Variants in HTR2C observed in about 807,000 individuals in gnomAD.
HTR2C encodes 5-hydroxytryptamine receptor 2C, also known as 5-hydroxytryptamine (serotonin) receptor 2C, G protein-coupled.
A neutral mutation model predicts 21.0 loss-of-function variants in HTR2C; 5 were observed. The ratio of observed to expected loss-of-function variants is 0.24; its 90% CI spans 0.12 to 0.50. The LOEUF is 0.50. Among genes scored for constraint, HTR2C ranks in the 20% least tolerant of loss-of-function variants. HTR2C has a pLI of 0.98. For synonymous variants in HTR2C, 150 were observed against 145.3 expected, an observed-to-expected ratio of 1.03 and a Z score of -0.23; for missense variants, 271 against 371.2, an observed-to-expected ratio of 0.73 and a Z score of 2.22.
At chrX:114,706,508 T>G (rs1932771698) in intron 2 of HTR2C, among the ~76,000 whole-genome samples, 1 of 90,104 alleles carries the variant, frequency 1.1e-5, no homozygotes, top group Non-Finnish European at 2.1e-5. Flanking sequence ...AATTGAACAA[T>G]GAGAACACAC....
rs781985681 is a variant in HTR2C, at chrX:114,828,375, T to G, written c.350-19628T>G. On this transcript the variant is annotated intron_variant, in intron 4 of 5. Coordinates refer to ENST00000276198, the MANE Select transcript of HTR2C (RefSeq NM_000868.4). The stretch of plus-strand genomic sequence containing the variant: ...GGCCGCCTTCCTTCACTGAGCATGA[T>G]TAGGGTAGCTGCCTTGAAGTCTTTG... Among the ~76,000 whole-genome samples, 5 of 111,438 alleles carry G rather than the reference T, an allele frequency of 4.5e-5. No individual in the cohort carries two copies. In the East Asian group the frequency reaches 1.4e-3, roughly 31 times the overall value.
chrX:114,777,631 C>T (rs2070071678), intron 4 of HTR2C, among the ~76,000 whole-genome samples: 1 of 111,228 alleles, frequency 9.0e-6, no homozygotes, highest in African/African-American at 3.3e-5. Context: ...AATCTTGGCT[C>T]ACTGCAAACT....
At chrX:114,885,408 A>G (rs1284628270) in intron 5 of HTR2C, among the ~76,000 whole-genome samples, 1 of 110,950 alleles carries the variant, frequency 9.0e-6, no homozygotes, top group Non-Finnish European at 1.9e-5. Flanking sequence ...TCACACAGTA[A>G]CAAAATCACC....
chrX:114,702,493 T>G (rs1932566071), intron 2 of HTR2C, among the ~76,000 whole-genome samples: 2 of 110,366 alleles, frequency 1.8e-5, no homozygotes, highest in Non-Finnish European at 3.8e-5. Flanking sequence ...TAAAATCTTT[T>G]ACAGACAAGC....
chrX:114,633,773 C>CTA lies in HTR2C; in HGVS notation c.-80+19893_-80+19894insAT, dbSNP rs1375122003. On this transcript the variant is annotated intron_variant, in intron 2 of 5. Coordinates refer to ENST00000276198, the MANE Select transcript of HTR2C (RefSeq NM_000868.4). The stretch of plus-strand genomic sequence containing the variant: ...TATGTTCAAAGGCATCATTCTCTCT[C>CTA]TCTATATATATATACACATATATGT... 1.1e-4 allele frequency among the ~76,000 whole-genome samples: 12 copies of CTA among 109,567 alleles called. No individual in the cohort carries two copies. The South Asian group carries it at 1.2e-3, about 11-fold the overall frequency.
intron 4 of HTR2C, among the ~76,000 whole-genome samples, chrX:114,764,921 TTCTTTTCCTTCCTTCC>T (rs1260215503): frequency 0.18 from 8,069 of 45,575 alleles, 489 homozygotes; most frequent in Admixed American, 0.22. Context: ...CTTTCTTTCT[TTCTTTTCCTTCCTTCC>T]TTCCTTCCTT....
At chrX:114,800,916 C>T (rs1366792863) in intron 4 of HTR2C, among the ~76,000 whole-genome samples, 3 of 111,073 alleles carry the variant, frequency 2.7e-5, no homozygotes, top group African/African-American at 6.5e-5. Flanking sequence ...AGTCTCTCTG[C>T]GCATGCGTGT....
intron 5 of HTR2C, among the ~76,000 whole-genome samples, chrX:114,903,266 G>T (rs1556485723): frequency 9.0e-6 from 1 of 111,653 alleles, no homozygotes; most frequent in Non-Finnish European, 1.9e-5. Flanking sequence ...TTGTTTTGTT[G>T]ATTGCATTCA....
At chrX:114,839,876 G>A (rs1285839383) in intron 4 of HTR2C, among the ~76,000 whole-genome samples, 5 of 110,515 alleles carry the variant, frequency 4.5e-5, no homozygotes, top group East Asian at 2.8e-4. Flanking sequence ...CATTTAAACC[G>A]TGCTTGCCTG....
chrX:114,690,177 A>G (rs1341833025), intron 2 of HTR2C, among the ~76,000 whole-genome samples: 2 of 111,426 alleles, frequency 1.8e-5, no homozygotes, highest in Non-Finnish European at 3.8e-5. Context: ...CCTCAGAGCA[A>G]TAACGATGAT....
intron 2 of HTR2C, among the ~76,000 whole-genome samples, chrX:114,686,903 T>A (rs2147857903): frequency 9.0e-6 from 1 of 111,400 alleles, no homozygotes; most frequent in East Asian, 2.8e-4. Flanking sequence ...TTTGTTTCTA[T>A]TTTGAAAGAA....
At chrX:114,770,956 G>A (rs782279555) in intron 4 of HTR2C, among the ~76,000 whole-genome samples, 4 of 108,959 alleles carry the variant, frequency 3.7e-5, no homozygotes, top group Non-Finnish European at 5.7e-5. Flanking sequence ...TGCCTGCCAC[G>A]ACACCCGGCT....
intron 4 of HTR2C, among the ~76,000 whole-genome samples, chrX:114,814,869 G>C (rs12689471): frequency 2.1e-5 from 2 of 95,984 alleles, no homozygotes; most frequent in Admixed American, 1.3e-4. Context: ...TAGTATATAT[G>C]ATATATACTA....
intron 2 of HTR2C, among the ~76,000 whole-genome samples, chrX:114,670,716 A>T (rs1334306321): frequency 8.9e-6 from 1 of 112,674 alleles, no homozygotes; most frequent in Non-Finnish European, 1.9e-5. Context: ...TATTAAATTT[A>T]TCATTAAATG....
At chrX:114,689,475 C>A (rs781912071) in intron 2 of HTR2C, among the ~76,000 whole-genome samples, 4 of 110,108 alleles carry the variant, frequency 3.6e-5, no homozygotes, top group African/African-American at 1.3e-4. Context: ...CTTCCACTGA[C>A]AGTGTAAAAG....
chrX:114,726,565 T>C (rs1482890594), intron 2 of HTR2C, among the ~76,000 whole-genome samples: 2 of 112,354 alleles, frequency 1.8e-5, no homozygotes, highest in African/African-American at 6.5e-5. Flanking sequence ...TTAATTTCTT[T>C]TTCAAAACAT....
rs868979125 is a variant in HTR2C at position 114,601,858 on chromosome X, G to A, written c.-146-11957G>A. ...CAGGGCTGCTTCAAGCAGGATTAGG[G>A]GCGGCGTGGGAACCTAGAGTGGGAG... On this transcript the variant is annotated intron_variant, in intron 1 of 5. Coordinates refer to ENST00000276198, the MANE Select transcript of HTR2C (RefSeq NM_000868.4). Among the ~76,000 whole-genome samples, 671 of 96,597 alleles carry A rather than the reference G, an allele frequency of 6.9e-3. 2 individuals carry two copies. Among genetic ancestry groups the A allele is most frequent in the African/African-American group, 0.024 (627 of 26,090 alleles). 83.9% of individuals were successfully genotyped at this position (96,597 alleles called of 115,157 possible).
intron 2 of HTR2C, chrX:114,715,465 T>C (rs1440339164): frequency 4.1e-6 from 1 of 244,351 alleles, no homozygotes; most frequent in Non-Finnish European, 8.0e-6. Flanking sequence ...TAAATGTAAG[T>C]GGGAATGTAT....
intron 5 of HTR2C, among the ~76,000 whole-genome samples, chrX:114,864,224 TA>T (rs2071027806): frequency 9.0e-6 from 1 of 110,940 alleles, no homozygotes; most frequent in African/African-American, 3.3e-5. Flanking sequence ...CTTTCTCTTT[TA>T]TAGTTTACCT....
Sources: gnomAD v4.1 joint callset for allele counts (sites outside exome capture counted in the v4.1 genomes callset) on GRCh38, gnomAD v4.1.1 for gene constraint, MANE v1.5 for transcripts, NCBI Gene and HGNC (gene_info 2026-07-23, HGNC 2026-07-21) for gene names.